CTNNA3: variants seen among roughly 807,000 people sequenced by gnomAD.
CTNNA3 encodes the protein catenin alpha 3.
A neutral mutation model predicts 95.7 loss-of-function variants in CTNNA3; 76 were observed. The ratio of observed to expected loss-of-function variants is 0.79; its 90% confidence interval spans 0.66 to 0.96. CTNNA3 has a LOEUF of 0.96. CTNNA3 is among the 40% of genes least tolerant of loss of function. CTNNA3 has a pLI of 0.00. For missense variants in CTNNA3, 1,191 were observed against 1,089.8 expected (o/e 1.09, Z -1.31); for synonymous variants, 431 against 374.4 (o/e 1.15, Z -1.74).
intron 5 of CTNNA3, among the ~76,000 whole-genome samples, chr10:67,275,459 G>T (rs994955931): frequency 6.6e-6 from 1 of 152,084 alleles, no homozygotes; most frequent in East Asian, 1.9e-4. Context: ...AAAATAAAGA[G>T]CCTTAAATAT....
intron 12 of CTNNA3, among the ~76,000 whole-genome samples, chr10:66,341,949 A>ATG (rs199987220): frequency 0.051 from 7,688 of 151,062 alleles, 265 homozygotes; most frequent in Middle Eastern, 0.065. Context: ...AGGCATCATT[A>ATG]TGTGTGTGTG....
At chr10:65,934,620 TA>T (rs2077307219) in intron 17 of CTNNA3, among the ~76,000 whole-genome samples, 1 of 152,140 alleles carries the variant, frequency 6.6e-6, no homozygotes, top group African/African-American at 2.4e-5. Flanking sequence ...GTTACTTCAA[TA>T]AAAACAGTGT....
chr10:67,201,858 T>C (rs969642436), intron 6 of CTNNA3, among the ~76,000 whole-genome samples: 4 of 152,296 alleles, frequency 2.6e-5, no homozygotes, highest in African/African-American at 9.6e-5. Flanking sequence ...ATAAGGTACC[T>C]TGTTCAAAAT....
chr10:66,736,352 A>AT (rs567734648), intron 9 of CTNNA3, among the ~76,000 whole-genome samples: 14,263 of 145,252 alleles, frequency 0.098, 791 homozygotes, highest in African/African-American at 0.16. Context: ...CACCCGGCTA[A>AT]TTTTTTTTTT....
chr10:66,188,012 A>G (rs1159756920), intron 13 of CTNNA3, among the ~76,000 whole-genome samples: 2 of 152,156 alleles, frequency 1.3e-5, no homozygotes, highest in Non-Finnish European at 2.9e-5. Context: ...TCACAAAACA[A>G]AGACTTAGAA....
rs397825503 is a variant in CTNNA3 at position 66,178,502 on chromosome 10, C to CA, written c.1885-75254_1885-75253insT. 1.5e-4 allele frequency among the ~76,000 whole-genome samples: 22 copies of CA among 142,288 alleles called. No homozygotes were observed. In the East Asian group the frequency reaches 3.7e-3, roughly 24 times the overall value. 93.3% of individuals were successfully genotyped at this position (142,288 alleles called of 152,430 possible). On this transcript the variant is annotated intron_variant, in intron 13 of 17. Coordinates refer to ENST00000433211, the MANE Select transcript of CTNNA3 (RefSeq NM_013266.4). ...ACAGACACACACACACATACACACA[C>CA]CCCTTAAGAGTTCTTAAACTTGACA...
At chr10:67,726,384 AAT>A (rs1841217986) in intron 1 of CTNNA3, among the ~76,000 whole-genome samples, 1 of 22,318 alleles carries the variant, frequency 4.5e-5, no homozygotes, top group African/African-American at 1.9e-4. Context: ...TTATATATGA[AAT>A]TATATATATT....
chr10:67,312,860 G>T (rs1840868355), intron 5 of CTNNA3, among the ~76,000 whole-genome samples: 2 of 152,126 alleles, frequency 1.3e-5, no homozygotes. Flanking sequence ...CCCAGCTTTT[G>T]CTAACCATAA....
chr10:66,409,488 A>G (rs1037782936), intron 11 of CTNNA3, among the ~76,000 whole-genome samples: 2 of 152,168 alleles, frequency 1.3e-5, no homozygotes, highest in Admixed American at 6.5e-5. Context: ...AAACCAGGAG[A>G]GATAATATAA....
At chr10:66,514,573 A>G (rs1408817320) in intron 11 of CTNNA3, among the ~76,000 whole-genome samples, 1 of 152,212 alleles carries the variant, frequency 6.6e-6, no homozygotes, top group African/African-American at 2.4e-5. Context: ...ACCATTGTCA[A>G]TCGCTTCCAC....
chr10:66,708,508 C>T (rs1279373431), intron 9 of CTNNA3, among the ~76,000 whole-genome samples: 1 of 151,944 alleles, frequency 6.6e-6, no homozygotes, highest in African/African-American at 2.4e-5. Context: ...CTCATTTTGT[C>T]TCAATTACCC....
At chr10:67,639,686 G>C (rs1057266722) in intron 2 of CTNNA3, among the ~76,000 whole-genome samples, 1 of 152,094 alleles carries the variant, frequency 6.6e-6, no homozygotes, top group East Asian at 1.9e-4. Context: ...TCCCTGGGAT[G>C]CAAGGCTGGT....
intron 3 of CTNNA3, among the ~76,000 whole-genome samples, chr10:67,597,428 C>T (rs1367917117): frequency 1.3e-5 from 2 of 152,106 alleles, no homozygotes; most frequent in Non-Finnish European, 2.9e-5. Flanking sequence ...TCCTTTGGAT[C>T]GAGCTTTTTG....
At chr10:66,917,905 T>A (rs1440951761) in intron 7 of CTNNA3, among the ~76,000 whole-genome samples, 1 of 152,162 alleles carries the variant, frequency 6.6e-6, no homozygotes, top group African/African-American at 2.4e-5. Flanking sequence ...AAACATCAAA[T>A]ATTAAGGTAT....
At chr10:65,959,844 C>A (rs938777805) in intron 17 of CTNNA3, among the ~76,000 whole-genome samples, 1 of 152,144 alleles carries the variant, frequency 6.6e-6, no homozygotes, top group African/African-American at 2.4e-5. Flanking sequence ...TAAAGGATAG[C>A]AGGTGGAAGG....
chr10:66,874,957 CCA>C (rs1844560337), intron 7 of CTNNA3, among the ~76,000 whole-genome samples: 1 of 152,130 alleles, frequency 6.6e-6, no homozygotes, highest in Non-Finnish European at 1.5e-5. Flanking sequence ...AATACTTTAG[CCA>C]AGGTTCACGC....
At position 67,237,126 on chromosome 10, in the gene CTNNA3, GTATATATATATA is replaced by G. The variant is rs59511861; in HGVS notation, c.580-17268_580-17257del. Among the ~76,000 whole-genome samples, 49 of 39,876 alleles carry G rather than the reference GTATATATATATA, an allele frequency of 1.2e-3. 3 individuals are homozygous for G. The highest frequency in any genetic ancestry group is 4.8e-3 in the African/African-American group (47 of 9,694). 26.2% of individuals were successfully genotyped at this position (39,876 alleles called of 152,430 possible). A position where few individuals can be genotyped will look rare whatever the true frequency, so the allele number is the denominator to read the frequency against. On this transcript the variant is annotated intron_variant, in intron 5 of 17. Transcript: ENST00000433211. ...AGTGGATAAAGAAACTATGGTGTATGTATATATATATATATATATATATATATATATATATAT... is the reference window on the plus strand; with the variant it reads ...AGTGGATAAAGAAACTATGGTGTATGTATATATATATATATATATATATAT...
intron 10 of CTNNA3, among the ~76,000 whole-genome samples, chr10:66,601,950 A>T (rs2132259724): frequency 6.6e-6 from 1 of 152,068 alleles, no homozygotes; most frequent in East Asian, 1.9e-4. Context: ...AAAGAAATAC[A>T]GAAAACCTCT....
At chr10:65,941,530 C>T (rs2077429902) in intron 17 of CTNNA3, among the ~76,000 whole-genome samples, 1 of 152,142 alleles carries the variant, frequency 6.6e-6, no homozygotes, top group Non-Finnish European at 1.5e-5. Flanking sequence ...GCATTTTCCC[C>T]CCAGGCTAAG....
Sources: gnomAD v4.1 joint callset for allele counts (sites outside exome capture counted in the v4.1 genomes callset) on GRCh38, gnomAD v4.1.1 for gene constraint, MANE v1.5 for transcripts, NCBI Gene and HGNC (gene_info 2026-07-23, HGNC 2026-07-21) for gene names.